The following SPAG16 variants were observed in gnomAD, a reference collection of about 807,000 sequenced individuals.
SPAG16 encodes the protein sperm associated antigen 16, also known as sperm-associated antigen 16 protein.
SPAG16 carries 86 observed loss-of-function variants against 80.4 expected under a neutral mutation model. The ratio of observed to expected loss-of-function variants is 1.07; its 90% CI spans 0.90 to 1.28. SPAG16 has a LOEUF of 1.28. Among genes scored for constraint, SPAG16 ranks in the 50% most tolerant of loss-of-function variants. The probability of loss-of-function intolerance (pLI) is 0.00; values close to 1 mark genes in which losing one functional copy is unlikely to be tolerated. For missense variants in SPAG16, 870 were observed against 765.3 expected (o/e 1.14, Z -1.61); for synonymous variants, 294 against 265.9 (o/e 1.11, Z -1.03).
At chr2:214,037,713 T>G (rs1048705179) in intron 13 of SPAG16, among the ~76,000 whole-genome samples, 1 of 152,182 alleles carries the variant, frequency 6.6e-6, no homozygotes, top group Non-Finnish European at 1.5e-5. Context: ...GGTGCATAGA[T>G]ATTGATAGTT....
chr2:213,611,479 T>C (rs1214615699), intron 10 of SPAG16, among the ~76,000 whole-genome samples: 1 of 152,228 alleles, frequency 6.6e-6, no homozygotes, highest in Non-Finnish European at 1.5e-5. Flanking sequence ...CTTGGTAAGC[T>C]ATATTAGATA....
chr2:213,835,620 A>G (rs1488170646), intron 10 of SPAG16, among the ~76,000 whole-genome samples: 1 of 152,104 alleles, frequency 6.6e-6, no homozygotes, highest in Non-Finnish European at 1.5e-5. Flanking sequence ...CCTATTTGTC[A>G]AGTGATTACA....
chr2:214,101,530 C>A (rs1430143478), intron 13 of SPAG16, among the ~76,000 whole-genome samples: 1 of 151,966 alleles, frequency 6.6e-6, no homozygotes, highest in Non-Finnish European at 1.5e-5. Context: ...CATTTCCATT[C>A]ACCACTCTTA....
intron 15 of SPAG16, among the ~76,000 whole-genome samples, chr2:214,182,464 T>C (rs893403145): frequency 6.6e-6 from 1 of 151,858 alleles, no homozygotes; most frequent in Non-Finnish European, 1.5e-5. Flanking sequence ...TAACAGCCAG[T>C]CTCACAATTG....
At chr2:213,652,070 A>G in intron 10 of SPAG16, among the ~76,000 whole-genome samples, 1 of 152,268 alleles carries the variant, frequency 6.6e-6, no homozygotes, top group Middle Eastern at 3.4e-3. Context: ...CATATTTTAT[A>G]GTAATTAAAA....
At chr2:214,054,191 G>A (rs2049812101) in intron 13 of SPAG16, among the ~76,000 whole-genome samples, 1 of 152,050 alleles carries the variant, frequency 6.6e-6, no homozygotes, top group African/African-American at 2.4e-5. Flanking sequence ...TGTATCTTTA[G>A]TATAGACGGG....
chr2:214,248,887 T>C lies in SPAG16; in HGVS notation c.1720+99621T>C, dbSNP rs185720476. Among the ~76,000 whole-genome samples, 25 of 152,290 alleles carry C rather than the reference T, an allele frequency of 1.6e-4. 1 individual carries two copies. The highest frequency in any genetic ancestry group is 9.2e-4 in the Admixed American group (14 of 15,280). ...TAGAAAAACTGGAACGATCTGATGA[T>C]ATAAGTTTTGCAAATATCTGGGAGA... On this transcript the variant is annotated intron_variant, in intron 15 of 15. Coordinates refer to ENST00000331683, the MANE Select transcript of SPAG16 (RefSeq NM_024532.5).
intron 9 of SPAG16, among the ~76,000 whole-genome samples, chr2:213,377,892 TATATATATATA>T: frequency 5.3e-5 from 2 of 37,978 alleles, no homozygotes; most frequent in Admixed American, 3.0e-4. Context: ...TATATATATA[TATATATATATA>T]TTTTTTTTTT....
chr2:213,291,088 C>G (rs1452537710), intron 1 of SPAG16, among the ~76,000 whole-genome samples: 1 of 152,136 alleles, frequency 6.6e-6, no homozygotes, highest in Non-Finnish European at 1.5e-5. Context: ...CCTTTTTACC[C>G]TGGTTACTGG....
At chr2:213,643,180 T>C (rs1007686255) in intron 10 of SPAG16, among the ~76,000 whole-genome samples, 7 of 150,496 alleles carry the variant, frequency 4.7e-5, no homozygotes, top group Non-Finnish European at 3.0e-5. Context: ...TTTATTTCTC[T>C]ATGTTTAAAG....
In SPAG16 at chr2:214,167,984, T is replaced by C; in HGVS notation, c.1720+18718T>C. Among the ~76,000 whole-genome samples the C allele has an allele frequency of 3.4e-5, 5 of 146,766 alleles. No individual in the cohort carries two copies. In the Admixed American group the frequency reaches 3.6e-4, roughly 11 times the overall value. ...CTTTTTTTCTGTTTTCTTTTCTTTT[T>C]TCTTTTTCTCTTTTTTTTTTTTTTG... is the stretch of plus-strand genomic sequence containing the variant. On this transcript the variant is annotated intron_variant, in intron 15 of 15. Coordinates refer to ENST00000331683, the MANE Select transcript of SPAG16 (RefSeq NM_024532.5).
intron 9 of SPAG16, among the ~76,000 whole-genome samples, chr2:213,400,285 A>G (rs866843520): frequency 6.6e-6 from 1 of 152,176 alleles, no homozygotes; most frequent in Non-Finnish European, 1.5e-5. Context: ...ACTTAATACT[A>G]TTAATTTTCC....
intron 10 of SPAG16, among the ~76,000 whole-genome samples, chr2:213,804,338 T>C (rs2071606037): frequency 6.6e-6 from 1 of 152,180 alleles, no homozygotes; most frequent in South Asian, 2.1e-4. Context: ...AATAATTCTT[T>C]ATCTCTGACT....
At chr2:213,467,833 C>T (rs953372076) in intron 9 of SPAG16, among the ~76,000 whole-genome samples, 8 of 152,250 alleles carry the variant, frequency 5.3e-5, no homozygotes, top group Admixed American at 2.6e-4. Flanking sequence ...GTGGCTTCCT[C>T]ATGCTGCCTG....
chr2:214,037,668 T>G (rs1365074103), intron 13 of SPAG16, among the ~76,000 whole-genome samples: 1 of 152,050 alleles, frequency 6.6e-6, no homozygotes, highest in African/African-American at 2.4e-5. Context: ...TCTCCTTAAT[T>G]TTTTGCTTTA....
chr2:213,664,181 G>A (rs755866400), intron 10 of SPAG16, among the ~76,000 whole-genome samples: 21 of 151,874 alleles, frequency 1.4e-4, no homozygotes, highest in Non-Finnish European at 2.7e-4. Flanking sequence ...TCACTGACCC[G>A]TTGGTATCCA....
chr2:214,033,504 C>A (rs144902313), intron 13 of SPAG16, among the ~76,000 whole-genome samples: 10 of 152,138 alleles, frequency 6.6e-5, no homozygotes, highest in East Asian at 1.9e-4. Flanking sequence ...GGACTAGGGA[C>A]AAGATGGTAG....
intron 12 of SPAG16, among the ~76,000 whole-genome samples, chr2:213,956,627 T>C (rs951226597): frequency 6.6e-6 from 1 of 151,878 alleles, no homozygotes; most frequent in Non-Finnish European, 1.5e-5. Flanking sequence ...TTTGTATTTT[T>C]AGTAGAGATG....
chr2:213,451,758 G>A (rs2071704739), intron 9 of SPAG16, among the ~76,000 whole-genome samples: 1 of 152,188 alleles, frequency 6.6e-6, no homozygotes, highest in South Asian at 2.1e-4. Context: ...AGGACCGGGT[G>A]TGCCGTATGT....
Sources: gnomAD v4.1 joint callset for allele counts (sites outside exome capture counted in the v4.1 genomes callset) on GRCh38, gnomAD v4.1.1 for gene constraint, MANE v1.5 for transcripts, NCBI Gene and HGNC (gene_info 2026-07-23, HGNC 2026-07-21) for gene names.